Variants in TTC29 observed in about 807,000 individuals in gnomAD.
TTC29 encodes tetratricopeptide repeat protein 29.
TTC29 carries 49 observed loss-of-function variants against 58.1 expected under a neutral mutation model. The ratio of observed to expected loss-of-function variants is 0.84; its 90% confidence interval spans 0.67 to 1.07. The LOEUF (loss-of-function observed/expected upper bound fraction) is 1.07, where lower values mean the gene tolerates loss of function less well. TTC29 is among the 50% of genes least tolerant of loss of function. The pLI is 0.00. For missense variants in TTC29, 582 were observed against 555.6 expected, an observed-to-expected ratio of 1.05 and a Z score of -0.48; for synonymous variants, 209 against 196.8, an observed-to-expected ratio of 1.06 and a Z score of -0.52.
At chr4:146,910,771 C>A (rs892735493) in intron 4 of TTC29, among the ~76,000 whole-genome samples, 3 of 152,098 alleles carry the variant, frequency 2.0e-5, no homozygotes, top group African/African-American at 7.2e-5. Context: ...AATAAAGAGA[C>A]CACATGGATC....
chr4:146,917,757 C>A (rs1170949983), intron 4 of TTC29, among the ~76,000 whole-genome samples: 2 of 146,596 alleles, frequency 1.4e-5, no homozygotes, highest in Non-Finnish European at 3.0e-5. Flanking sequence ...ATAAAATTCT[C>A]CTTGTAAAGA....
chr4:146,805,256 A>G (rs78908210), intron 10 of TTC29, among the ~76,000 whole-genome samples: 2,517 of 152,302 alleles, frequency 0.017, 82 homozygotes, highest in East Asian at 0.14. Context: ...GACCAAAGGT[A>G]GATAAATCCA....
chr4:146,769,535 G>A (rs1213761925), intron 11 of TTC29, among the ~76,000 whole-genome samples: 1 of 151,894 alleles, frequency 6.6e-6, no homozygotes, highest in South Asian at 2.1e-4. Flanking sequence ...TGCCTACCCA[G>A]AAGAAAGATG....
chr4:146,821,990 T>G (rs1438282501), intron 9 of TTC29, among the ~76,000 whole-genome samples: 7 of 138,976 alleles, frequency 5.0e-5, no homozygotes, highest in East Asian at 2.0e-4. Flanking sequence ...CTAGTGTTTT[T>G]TTTTTTTTTT....
chr4:146,938,751 A>G (rs768537892), intron 3 of TTC29, among the ~76,000 whole-genome samples: 17 of 152,202 alleles, frequency 1.1e-4, no homozygotes, highest in Non-Finnish European at 2.2e-4. Context: ...ACTAAAAATG[A>G]GGCATGAGAA....
chr4:146,930,923 A>T (rs1286407712), intron 4 of TTC29, among the ~76,000 whole-genome samples: 1 of 152,162 alleles, frequency 6.6e-6, no homozygotes, highest in Non-Finnish European at 1.5e-5. Context: ...AGAGAAGTGC[A>T]TTTTGCACTG....
At chr4:146,840,352 T>C (rs566462509) in intron 8 of TTC29, among the ~76,000 whole-genome samples, 3 of 152,148 alleles carry the variant, frequency 2.0e-5, no homozygotes, top group Admixed American at 1.3e-4. Context: ...TATCACTTTC[T>C]TCATAACGCC....
intron 11 of TTC29, among the ~76,000 whole-genome samples, chr4:146,790,116 T>C (rs1749322523): frequency 6.6e-6 from 1 of 152,178 alleles, no homozygotes; most frequent in South Asian, 2.1e-4. Context: ...TCAATTAGGC[T>C]TCTCTTCAGA....
chr4:146,809,641 G>A (rs1043386664), intron 10 of TTC29, among the ~76,000 whole-genome samples: 3 of 149,522 alleles, frequency 2.0e-5, no homozygotes, highest in Non-Finnish European at 4.4e-5. Context: ...ACATTTATGC[G>A]GCCACCAAAC....
intron 11 of TTC29, among the ~76,000 whole-genome samples, chr4:146,801,340 C>T (rs1408570667): frequency 2.0e-5 from 3 of 152,100 alleles, no homozygotes. Context: ...GAAGGGCTAC[C>T]CCTGAAAATG....
Position 146,837,914 on chromosome 4 carries a change from G to A in TTC29, c.886-4017C>T, listed in dbSNP as rs1037111173. ...TTAACCTTTGGCAAAAGACAGAGGA[G>A]AACATTAATTTAGCATGTTACTATG... On this transcript the variant is annotated intron_variant, in intron 8 of 12. Transcript: ENST00000325106. 3.9e-5 allele frequency among the ~76,000 whole-genome samples: 6 copies of A among 152,098 alleles called. No individual in the cohort carries two copies. The East Asian group carries it at 1.2e-3, about 29-fold the overall frequency.
intron 8 of TTC29, among the ~76,000 whole-genome samples, chr4:146,851,205 T>C (rs747778481): frequency 1.3e-5 from 2 of 152,238 alleles, no homozygotes; most frequent in Admixed American, 1.3e-4. Context: ...GCTTTCTGTA[T>C]GTTAACTTAT....
intron 3 of TTC29, among the ~76,000 whole-genome samples, chr4:146,938,798 G>T (rs1736086869): frequency 6.6e-6 from 1 of 152,114 alleles, no homozygotes; most frequent in Non-Finnish European, 1.5e-5. Flanking sequence ...ATTATGCCTT[G>T]CAGGAATGGA....
chr4:146,811,321 T>C (rs1751008962), intron 10 of TTC29, among the ~76,000 whole-genome samples: 1 of 152,204 alleles, frequency 6.6e-6, no homozygotes, highest in African/African-American at 2.4e-5. Context: ...GATAATCATA[T>C]TGAGCCTCAG....
In TTC29 at chr4:146,825,554, G is replaced by A. The variant is rs373367942; in HGVS notation, c.978-5306C>T. Among the ~76,000 whole-genome samples the A allele has an allele frequency of 4.4e-4, 67 of 152,282 alleles. 1 individual carries two copies. The East Asian group carries it at 7.1e-3, about 16-fold the overall frequency. On this transcript the variant is annotated intron_variant, in intron 9 of 12. Transcript: ENST00000325106. ...GTCAATTTTAGAATAAGTGCCATGTGGCACTGAGAAGAATGTATGTTCTGT... is the reference window on the plus strand; with the variant it reads ...GTCAATTTTAGAATAAGTGCCATGTAGCACTGAGAAGAATGTATGTTCTGT...
At chr4:146,906,299 G>A (rs567632995) in intron 5 of TTC29, among the ~76,000 whole-genome samples, 1 of 152,244 alleles carries the variant, frequency 6.6e-6, no homozygotes, top group South Asian at 2.1e-4. Flanking sequence ...AATAACTCTA[G>A]GTTACTGCTC....
At chr4:146,898,569 C>T (rs1460988673) in intron 6 of TTC29, among the ~76,000 whole-genome samples, 1 of 152,202 alleles carries the variant, frequency 6.6e-6, no homozygotes. Flanking sequence ...ACAGGAGGGT[C>T]TTCCAAACCG....
At chr4:146,848,136 A>G (rs1312603248) in intron 8 of TTC29, among the ~76,000 whole-genome samples, 2 of 152,234 alleles carry the variant, frequency 1.3e-5, no homozygotes, top group Non-Finnish European at 2.9e-5. Context: ...GCTTAGAATC[A>G]AATGTACTGG....
intron 4 of TTC29, among the ~76,000 whole-genome samples, chr4:146,933,683 T>C (rs1304419096): frequency 6.6e-6 from 1 of 152,168 alleles, no homozygotes; most frequent in East Asian, 1.9e-4. Context: ...GTGAATACAA[T>C]GGATTTGATT....
Sources: allele counts gnomAD v4.1 joint callset (sites outside exome capture counted in the v4.1 genomes callset), GRCh38; gene constraint gnomAD v4.1.1; transcripts MANE v1.5; gene names NCBI Gene and HGNC (gene_info 2026-07-23, HGNC 2026-07-21).